The following SNX29 variants were observed in gnomAD, a reference collection of about 807,000 sequenced individuals.
The protein encoded by SNX29 is sorting nexin-29.
A neutral mutation model predicts 102.1 loss-of-function variants in SNX29; 78 were observed. The ratio of observed to expected loss-of-function variants is 0.76; its 90% CI spans 0.64 to 0.92. The LOEUF (loss-of-function observed/expected upper bound fraction) is 0.92. SNX29 is among the 40% of genes least tolerant of loss of function. The pLI, the probability that SNX29 is intolerant of heterozygous loss-of-function variation, is 0.00. For synonymous variants in SNX29, 580 were observed against 414.5 expected, an observed-to-expected ratio of 1.40 and a Z score of -4.85; for missense variants, 1,280 against 1,061.7, an observed-to-expected ratio of 1.21 and a Z score of -2.86.
intron 13 of SNX29, among the ~76,000 whole-genome samples, chr16:12,133,281 G>GT (rs57733463): frequency 0.079 from 5,259 of 66,806 alleles, 782 homozygotes; most frequent in Non-Finnish European, 0.095. Flanking sequence ...CTTAGTGTGG[G>GT]TTTTTTTTTT....
intron 7 of SNX29, among the ~76,000 whole-genome samples, chr16:12,050,909 C>T (rs1027241314): frequency 6.6e-5 from 10 of 151,660 alleles, no homozygotes; most frequent in South Asian, 2.1e-4. Flanking sequence ...TTAATACAGA[C>T]GGGGTTTCAC....
chr16:12,461,977 A>AAAT (rs1316322212), intron 18 of SNX29, among the ~76,000 whole-genome samples: 37 of 49,626 alleles, frequency 7.5e-4, no homozygotes, highest in East Asian at 1.8e-3. Flanking sequence ...AAAAAAAAAA[A>AAAT]AATATATATA....
intron 19 of SNX29, among the ~76,000 whole-genome samples, chr16:12,488,120 T>C (rs181370578): frequency 6.6e-6 from 1 of 152,236 alleles, no homozygotes; most frequent in Admixed American, 6.5e-5. Flanking sequence ...TTCTATAATA[T>C]CAAATTAAAA....
chr16:12,457,991 G>A (rs138248647), intron 18 of SNX29, among the ~76,000 whole-genome samples: 211 of 152,262 alleles, frequency 1.4e-3, no homozygotes, highest in Admixed American at 0.011. Context: ...CTATTGTTCT[G>A]TTTGTTTTTC....
chr16:12,046,939 C>G (rs572807981), intron 6 of SNX29, among the ~76,000 whole-genome samples: 14 of 152,292 alleles, frequency 9.2e-5, no homozygotes, highest in Non-Finnish European at 1.9e-4. Context: ...GTCCATTTAT[C>G]TAGAATGGGA....
At chr16:12,363,295 G>C (rs1182114336) in intron 16 of SNX29, among the ~76,000 whole-genome samples, 3 of 152,004 alleles carry the variant, frequency 2.0e-5, no homozygotes. Context: ...GTCGTCTTTT[G>C]TTTTTTTCTC....
At chr16:12,544,252 C>G (rs568577125) in intron 20 of SNX29, among the ~76,000 whole-genome samples, 3 of 151,148 alleles carry the variant, frequency 2.0e-5, no homozygotes, top group African/African-American at 4.9e-5. Context: ...ACTAACTTAC[C>G]CAGATTGCAA....
At chr16:11,980,073 G>A (rs431580) in intron 1 of SNX29, among the ~76,000 whole-genome samples, 114,627 of 152,130 alleles carry the variant, frequency 0.75, 44,277 homozygotes, top group Non-Finnish European at 0.84. Flanking sequence ...TTTATTTTTT[G>A]GTATTTTCAG....
Position 12,008,004 on chromosome 16 carries a change from C to T in SNX29, c.122+4961C>T, listed in dbSNP as rs145969344. On this transcript the variant is annotated intron_variant, in intron 3 of 20. Transcript: ENST00000566228. ...TGTCACCCAGGCCGGAGTGCAGTGG[C>T]GCTATCTCGGCTCCCTGCAAGCTCT... 6.6e-3 allele frequency among the ~76,000 whole-genome samples: 1,001 copies of T among 152,174 alleles called. 14 individuals are homozygous for T. Among genetic ancestry groups the T allele is most frequent in the African/African-American group, 0.023 (941 of 41,534 alleles).
intron 13 of SNX29, among the ~76,000 whole-genome samples, chr16:12,186,781 A>G (rs563908194): frequency 6.6e-6 from 1 of 152,204 alleles, no homozygotes; most frequent in South Asian, 2.1e-4. Context: ...TGGGTTTGTC[A>G]GCTGTTTCCT....
chr16:12,507,786 C>A (rs2089443146), intron 19 of SNX29, among the ~76,000 whole-genome samples: 1 of 152,172 alleles, frequency 6.6e-6, no homozygotes. Flanking sequence ...TTCCCTCCCT[C>A]CCCTTATCCA....
At chr16:12,387,218 G>A (rs1428618101) in intron 16 of SNX29, among the ~76,000 whole-genome samples, 2 of 152,112 alleles carry the variant, frequency 1.3e-5, no homozygotes, top group Non-Finnish European at 2.9e-5. Context: ...TGCTGCTTCT[G>A]CACTGATTGG....
At chr16:12,562,187 G>A (rs1206500677) in intron 20 of SNX29, among the ~76,000 whole-genome samples, 1 of 152,078 alleles carries the variant, frequency 6.6e-6, no homozygotes, top group Admixed American at 6.5e-5. Flanking sequence ...CCTGAGCATA[G>A]GGTTCACAGA....
chr16:12,561,449 T>G (rs2078718894), intron 20 of SNX29, among the ~76,000 whole-genome samples: 1 of 152,074 alleles, frequency 6.6e-6, no homozygotes, highest in Admixed American at 6.5e-5. Context: ...CCTCTAAGCT[T>G]CAAAGGCAGC....
intron 20 of SNX29, among the ~76,000 whole-genome samples, chr16:12,542,479 C>T (rs534009469): frequency 1.8e-4 from 27 of 152,338 alleles, no homozygotes; most frequent in African/African-American, 6.0e-4. Context: ...TTACAGGGAC[C>T]CACTACCACA....
At chr16:12,509,019 G>T (rs1034815810) in intron 19 of SNX29, among the ~76,000 whole-genome samples, 12 of 152,186 alleles carry the variant, frequency 7.9e-5, no homozygotes, top group Non-Finnish European at 1.5e-5. Flanking sequence ...TCCAGCACAC[G>T]TTGGCTGGTG....
intron 11 of SNX29, among the ~76,000 whole-genome samples, chr16:12,110,858 C>T (rs1596924608): frequency 6.6e-6 from 1 of 151,514 alleles, no homozygotes; most frequent in Admixed American, 6.6e-5. Context: ...GGGTCTTGCT[C>T]TGTTGCCCAG....
intron 16 of SNX29, among the ~76,000 whole-genome samples, chr16:12,393,580 A>G (rs993802981): frequency 2.4e-4 from 37 of 152,188 alleles, no homozygotes; most frequent in African/African-American, 8.9e-4. Context: ...TGGAGTCATT[A>G]CAAGCTGAAG....
At chr16:12,198,573 G>T (rs7200024) in intron 13 of SNX29, among the ~76,000 whole-genome samples, 38 of 152,164 alleles carry the variant, frequency 2.5e-4, no homozygotes, top group African/African-American at 8.7e-4. Context: ...GGTGTAGGGG[G>T]TGGGGCAGAA....
Sources: allele counts gnomAD v4.1 joint callset (sites outside exome capture counted in the v4.1 genomes callset), GRCh38; gene constraint gnomAD v4.1.1; transcripts MANE v1.5; gene names NCBI Gene and HGNC (gene_info 2026-07-23, HGNC 2026-07-21).